Variants in CLASP2 observed in about 807,000 individuals in gnomAD.
The protein encoded by CLASP2 is cytoplasmic linker associated protein 2.
Under a neutral mutation model 194.4 loss-of-function variants are expected in CLASP2, and 47 were observed. The ratio of observed to expected loss-of-function variants is 0.24; its 90% CI spans 0.19 to 0.31. The LOEUF (loss-of-function observed/expected upper bound fraction) is 0.31. Ranked by LOEUF, CLASP2 falls within the 10% of genes least tolerant of loss-of-function variation. The pLI, the probability that CLASP2 is intolerant of heterozygous loss-of-function variation, is 1.00. For missense variants in CLASP2, 1,445 were observed against 1,823.6 expected, an observed-to-expected ratio of 0.79 and a Z score of 3.78; for synonymous variants, 619 against 633.5, an observed-to-expected ratio of 0.98 and a Z score of 0.34.
intron 6 of CLASP2, among the ~76,000 whole-genome samples, chr3:33,680,502 TA>T (rs1342583901): frequency 6.6e-6 from 1 of 152,196 alleles, no homozygotes; most frequent in East Asian, 1.9e-4. Context: ...ACTGTGAACC[TA>T]AAAGTGCTCT....
chr3:33,570,885 A>C, intron 25 of CLASP2, 95 bp from the exon 26 acceptor site: 1 of 1,218,738 alleles, frequency 8.2e-7, no homozygotes, highest in Non-Finnish European at 1.1e-6. Flanking sequence ...AAAAAAAAAA[A>C]AAAGGTTAGG....
At chr3:33,510,996 C>G (rs1047919553) in intron 36 of CLASP2, among the ~76,000 whole-genome samples, 3 of 151,698 alleles carry the variant, frequency 2.0e-5, no homozygotes, top group Non-Finnish European at 4.4e-5. Context: ...CACTATTCTC[C>G]CTTCTTGTGT....
intron 1 of CLASP2, among the ~76,000 whole-genome samples, chr3:33,714,745 T>C (rs1464859941): frequency 6.6e-6 from 1 of 152,086 alleles, no homozygotes; most frequent in East Asian, 1.9e-4. Flanking sequence ...CCCCCCACTG[T>C]ATTTATTTTT....
At chr3:33,574,397 A>G in intron 24 of CLASP2, 2 of 832,578 alleles carry the variant, frequency 2.4e-6, no homozygotes, top group Non-Finnish European at 3.6e-6. Context: ...TTAATAGAAG[A>G]CCATCATTTG....
At chr3:33,551,219 A>T (rs2154160966) in intron 30 of CLASP2, 33 bp downstream of exon 30, 3 of 1,571,056 alleles carry the variant, frequency 1.9e-6, no homozygotes, top group South Asian at 2.4e-5. Context: ...TTGCTTTCCC[A>T]ATTTATCTTC....
intron 1 of CLASP2, among the ~76,000 whole-genome samples, chr3:33,697,493 C>T (rs898442999): frequency 6.6e-6 from 1 of 152,152 alleles, no homozygotes; most frequent in Admixed American, 6.5e-5. Flanking sequence ...TATGACGTCA[C>T]CAGGCAATAG....
chr3:33,604,806 G>C (rs2073358146), intron 16 of CLASP2, among the ~76,000 whole-genome samples: 1 of 152,064 alleles, frequency 6.6e-6, no homozygotes, highest in African/African-American at 2.4e-5. Context: ...CACACATCAT[G>C]GTGACCACCA....
intron 7 of CLASP2, among the ~76,000 whole-genome samples, chr3:33,656,365 T>C (rs1294035902): frequency 6.6e-6 from 1 of 152,190 alleles, no homozygotes; most frequent in African/African-American, 2.4e-5. Context: ...GAAAGGCATC[T>C]ACAGAGAAGG....
intron 6 of CLASP2, among the ~76,000 whole-genome samples, chr3:33,668,696 T>C (rs2154336522): frequency 6.6e-6 from 1 of 152,312 alleles, no homozygotes; most frequent in African/African-American, 2.4e-5. Context: ...CTCTGCATGT[T>C]TGAAAAGCAA....
chr3:33,665,944 T>C (rs146587471), intron 6 of CLASP2, among the ~76,000 whole-genome samples: 14 of 152,214 alleles, frequency 9.2e-5, no homozygotes, highest in African/African-American at 2.9e-4. Context: ...CAACAGAGAC[T>C]GGATTGTCCA....
At chr3:33,703,188 T>C (rs2092483077) in intron 1 of CLASP2, among the ~76,000 whole-genome samples, 1 of 152,028 alleles carries the variant, frequency 6.6e-6, no homozygotes, top group Non-Finnish European at 1.5e-5. Context: ...TGGGGGAAAA[T>C]ATTTGCAAAA....
chr3:33,618,587 C>T (rs2076601826), intron 12 of CLASP2, among the ~76,000 whole-genome samples: 1 of 152,072 alleles, frequency 6.6e-6, no homozygotes, highest in African/African-American at 2.4e-5. Context: ...GCAGAGGTTG[C>T]AGTGAGCTGA....
At chr3:33,680,785 T>G (rs1265140310) in intron 6 of CLASP2, among the ~76,000 whole-genome samples, 1 of 152,016 alleles carries the variant, frequency 6.6e-6, no homozygotes, top group Admixed American at 6.6e-5. Flanking sequence ...CATTCCAGCC[T>G]GGGCAGGAGT....
chr3:33,525,167 A>C (rs1436277926), intron 34 of CLASP2, among the ~76,000 whole-genome samples: 2 of 152,208 alleles, frequency 1.3e-5, no homozygotes, highest in African/African-American at 2.4e-5. Context: ...ACACACTCTT[A>C]ATGGATCAAA....
At chr3:33,710,321 A>C (rs1406178280) in intron 1 of CLASP2, among the ~76,000 whole-genome samples, 2 of 152,246 alleles carry the variant, frequency 1.3e-5, no homozygotes, top group Admixed American at 6.5e-5. Context: ...TTAAAAATCC[A>C]CAAATTGGAT....
intron 21 of CLASP2, among the ~76,000 whole-genome samples, chr3:33,589,514 CT>C (rs1191256484): frequency 2.0e-4 from 31 of 152,008 alleles, no homozygotes; most frequent in Non-Finnish European, 4.4e-5. Context: ...TACATAATAC[CT>C]TTTTTACAAA....
intron 6 of CLASP2, among the ~76,000 whole-genome samples, chr3:33,680,638 G>A (rs990833503): frequency 1.3e-5 from 2 of 151,920 alleles, no homozygotes; most frequent in African/African-American, 4.8e-5. Flanking sequence ...GGGAGACCCT[G>A]TCTCTACAAA....
intron 6 of CLASP2, among the ~76,000 whole-genome samples, chr3:33,674,889 A>G (rs975401115): frequency 5.3e-5 from 8 of 152,230 alleles, no homozygotes; most frequent in Non-Finnish European, 1.2e-4. Flanking sequence ...TAAACCAGGA[A>G]GAAGTTGAAT....
rs566607648 is a variant in CLASP2, at chr3:33,547,843, C to T, written c.3154-3002G>A. Reference sequence around the variant, plus strand: ...CTGCTCTGTCACTCGGGCTGGAGTGCAGTGGTGTAATCACAGTTCACTGCA... The same window carrying T: ...CTGCTCTGTCACTCGGGCTGGAGTGTAGTGGTGTAATCACAGTTCACTGCA... On this transcript the variant is annotated intron_variant, in intron 30 of 38. Transcript: ENST00000682230. Among the ~76,000 whole-genome samples the T allele has an allele frequency of 3.4e-5, 5 of 148,030 alleles. No homozygotes were observed. In the East Asian group the frequency reaches 6.0e-4, roughly 18 times the overall value.
Sources: allele counts gnomAD v4.1 joint callset (sites outside exome capture counted in the v4.1 genomes callset), GRCh38; gene constraint gnomAD v4.1.1; transcripts MANE v1.5; gene names NCBI Gene and HGNC (gene_info 2026-07-23, HGNC 2026-07-21).